The following LMNA variants were observed in gnomAD, a reference collection of about 807,000 sequenced individuals.
The protein encoded by LMNA is lamin.
A neutral mutation model predicts 70.4 loss-of-function variants in LMNA; 20 were observed. The observed-to-expected ratio is 0.28, with a 90% CI of 0.20 to 0.41. The LOEUF (loss-of-function observed/expected upper bound fraction) is 0.41. Among genes scored for constraint, LMNA ranks in the 10% least tolerant of loss-of-function variants. LMNA has a pLI of 1.00. For missense variants in LMNA, 652 were observed against 917.2 expected (o/e 0.71, Z 3.73); for synonymous variants, 339 against 372.8 (o/e 0.91, Z 1.04).
At chr1:156,087,521 G>A (rs546614894) in intron 2 of LMNA, among the ~76,000 whole-genome samples, 38 of 150,680 alleles carry the variant, frequency 2.5e-4, no homozygotes, top group South Asian at 8.4e-4. Context: ...AATTACAGTC[G>A]TGAGCCATCG....
At chr1:156,108,826 A>G (rs111598639) in intron 3 of LMNA, among the ~76,000 whole-genome samples, 27 of 152,298 alleles carry the variant, frequency 1.8e-4, no homozygotes, top group African/African-American at 5.8e-4. Context: ...ATTCTCAATA[A>G]GGGGTAATTT....
At chr1:156,084,534 A>G (rs565857090) in intron 2 of LMNA, among the ~76,000 whole-genome samples, 31 of 152,192 alleles carry the variant, frequency 2.0e-4, no homozygotes, top group African/African-American at 7.0e-4. Context: ...AGAGTGAAAG[A>G]GGAAGAATTA....
At chr1:156,089,351 A>C (rs898038987) in intron 2 of LMNA, among the ~76,000 whole-genome samples, 7 of 151,808 alleles carry the variant, frequency 4.6e-5, no homozygotes, top group African/African-American at 1.7e-4. Flanking sequence ...GCTGGAATGC[A>C]GTGGTGTGAT....
intron 2 of LMNA, among the ~76,000 whole-genome samples, chr1:156,085,059 G>A (rs1648427441): frequency 6.6e-6 from 1 of 152,240 alleles, no homozygotes; most frequent in South Asian, 2.1e-4. Context: ...TCAGCCCTCT[G>A]GGTAAGTTAA....
chr1:156,084,625 G>A (rs1648413797), intron 2 of LMNA, among the ~76,000 whole-genome samples: 4 of 152,304 alleles, frequency 2.6e-5, no homozygotes, highest in Admixed American at 2.6e-4. Flanking sequence ...TGCAGAGACT[G>A]TGGTACTGGG....
At chr1:156,088,844 G>A (rs1271877510) in intron 2 of LMNA, among the ~76,000 whole-genome samples, 1 of 152,016 alleles carries the variant, frequency 6.6e-6, no homozygotes, top group African/African-American at 2.4e-5. Flanking sequence ...AGTAGAGATG[G>A]GGTTTCACCG....
rs1651681158 is a variant in LMNA at position 156,136,846 on chromosome 1, TG to T, written c.1381-72del. 2.4e-6 allele frequency: 3 copies of T among 1,249,320 alleles called. No individual in the cohort carries two copies. The highest frequency in any genetic ancestry group is 1.5e-5 in the African/African-American group (1 of 67,288). 77.4% of individuals were successfully genotyped at this position (1,249,320 alleles called of 1,614,324 possible). On this transcript the variant is annotated intron_variant, in intron 7 of 11. Coordinates refer to ENST00000368300, the MANE Select transcript of LMNA (RefSeq NM_170707.4). The surrounding 1 kb of genome is among the most constrained non-coding windows in gnomAD (Gnocchi z 6.1). ...CCTCAATTGCAGGCAGGCAGAGGGC[TG>T]GGCCTTTGAGCAAGATACACCCAAG... is the stretch of plus-strand genomic sequence containing the variant.
In LMNA at chr1:156,137,507, T is replaced by C. The variant is rs1651762245; in HGVS notation, c.1609-147T>C. ...CCCTCTGGGGTGGAAATGAGTTCCT[T>C]AGCTCCATCACCACAGAGGACAGAG... On this transcript the variant is annotated intron_variant, in intron 9 of 11. Transcript: ENST00000368300. The surrounding 1 kb of genome is among the most constrained non-coding windows in gnomAD (Gnocchi z 4.6). 1 of 849,666 alleles carries C rather than the reference T, an allele frequency of 1.2e-6. No homozygotes were observed. The highest frequency in any genetic ancestry group is 2.6e-5 in the East Asian group (1 of 37,756). The allele number at this position is 849,666 out of a possible 1,614,324, so 52.6% of individuals were successfully genotyped here.
Position 156,103,776 on chromosome 1 carries a change from T to C in LMNA, c.-206-10937T>C, listed in dbSNP as rs542524638. Among the ~76,000 whole-genome samples, 1 of 152,184 alleles carries C rather than the reference T, an allele frequency of 6.6e-6. No individual in the cohort carries two copies. Among genetic ancestry groups the C allele is most frequent in the Admixed American group, 6.5e-5 (1 of 15,294 alleles). ...GGCCACATCTGGCTCCATTTGAACA[T>C]ACCCCACCCTCCCTGCTCTTTATCC... On this transcript the variant is annotated intron_variant, in intron 3 of 12. Coordinates refer to the LMNA transcript ENST00000368301. This position sits in a 1 kb window ranked among gnomAD's most constrained non-coding sequence, Gnocchi z 4.7.
rs546382980 is a variant in LMNA at position 156,103,309 on chromosome 1, G to C, written c.-206-11404G>C. On this transcript the variant is annotated intron_variant, in intron 3 of 12. Coordinates refer to the LMNA transcript ENST00000368301. This position sits in a 1 kb window ranked among gnomAD's most constrained non-coding sequence, Gnocchi z 4.7. ...GGCTGAGGGTGAGAAGCCAGCGATC[G>C]ACCCCCAGGGAGAAGTCTTGCAGAG... Among the ~76,000 whole-genome samples the C allele has an allele frequency of 6.6e-6, 1 of 152,122 alleles. No homozygotes were observed. Among genetic ancestry groups the C allele is most frequent in the Non-Finnish European group, 1.5e-5 (1 of 68,022 alleles).
intron 3 of LMNA, among the ~76,000 whole-genome samples, chr1:156,100,483 C>T (rs1302538306): frequency 6.6e-6 from 1 of 152,028 alleles, no homozygotes; most frequent in Non-Finnish European, 1.5e-5. Context: ...TAGAACAGGT[C>T]CTGACACATG....
chr1:156,138,367 G>C lies in LMNA; in HGVS notation c.1699-121G>C. ...AACCCCCATTGCCCGCTGGCTCCTT[G>C]GGCACAGAACCACACCTTCCTGCCT... On this transcript the variant is annotated intron_variant, in intron 10 of 11. Coordinates refer to ENST00000368300, the MANE Select transcript of LMNA (RefSeq NM_170707.4). The surrounding 1 kb of genome is among the most constrained non-coding windows in gnomAD (Gnocchi z 5.5). 2 of 1,162,470 alleles carry C rather than the reference G, an allele frequency of 1.7e-6. No homozygotes were observed. The allele number at this position is 1,162,470 out of a possible 1,614,324, so 72.0% of individuals were successfully genotyped here.
chr1:156,100,762 G>C (rs1324290316), intron 3 of LMNA, among the ~76,000 whole-genome samples: 1 of 152,152 alleles, frequency 6.6e-6, no homozygotes, highest in East Asian at 1.9e-4. Context: ...CATGTATTGA[G>C]AACCTTTTGT....
chr1:156,122,674 T>C (rs150059725), intron 1 of LMNA, among the ~76,000 whole-genome samples: 2 of 152,310 alleles, frequency 1.3e-5, no homozygotes, highest in East Asian at 3.9e-4. Flanking sequence ...GGCACAGGAA[T>C]GGCTCCCATT....
At chr1:156,095,214 C>T (rs1648889680) in intron 3 of LMNA, among the ~76,000 whole-genome samples, 2 of 152,106 alleles carry the variant, frequency 1.3e-5, no homozygotes, top group Non-Finnish European at 2.9e-5. Flanking sequence ...CAGGCGTTAG[C>T]CACTGCACCC....
chr1:156,104,537 C>T (rs1649254090), intron 3 of LMNA, among the ~76,000 whole-genome samples: 2 of 152,198 alleles, frequency 1.3e-5, no homozygotes, highest in Middle Eastern at 3.4e-3. Flanking sequence ...TTCCCTGTCT[C>T]CCTTTTACTC....
intron 3 of LMNA, among the ~76,000 whole-genome samples, chr1:156,105,883 C>T (rs986252885): frequency 1.3e-5 from 2 of 152,084 alleles, no homozygotes; most frequent in Non-Finnish European, 2.9e-5. Flanking sequence ...CTTTGGGAGG[C>T]CGAGGCAGGC....
intron 1 of LMNA, among the ~76,000 whole-genome samples, chr1:156,122,849 G>A (rs1472745739): frequency 3.3e-5 from 5 of 152,178 alleles, no homozygotes; most frequent in African/African-American, 7.2e-5. Flanking sequence ...CCCAACCTGC[G>A]GCTGGGCTGG....
rs1651657232 is a variant in LMNA at position 156,136,566 on chromosome 1, C to T, written c.1380+130C>T. The T allele has an allele frequency of 1.0e-6, 1 of 961,306 alleles. No individual in the cohort carries two copies. The highest frequency in any genetic ancestry group is 2.0e-5 in the Admixed American group (1 of 50,270). The allele number at this position is 961,306 out of a possible 1,614,324, so 59.5% of individuals were successfully genotyped here. ...TGGACCAGGGTGAGCCTGTATATCT[C>T]CTCCACACTCTGGTTCCAGGCCTGG... On this transcript the variant is annotated intron_variant, in intron 7 of 11. Transcript: ENST00000368300. This position sits in a 1 kb window ranked among gnomAD's most constrained non-coding sequence, Gnocchi z 6.1.
Sources: allele counts gnomAD v4.1 joint callset (sites outside exome capture counted in the v4.1 genomes callset), GRCh38; gene constraint gnomAD v4.1.1; non-coding constraint Gnocchi (gnomAD v3.1); transcripts MANE v1.5; gene names NCBI Gene and HGNC (gene_info 2026-07-23, HGNC 2026-07-21).